Variants in ZBTB46 observed in about 807,000 individuals in gnomAD.
ZBTB46 encodes the protein zinc finger and BTB domain-containing protein 46.
In ZBTB46, 8 loss-of-function variants were observed where a neutral mutation model predicts 44.1. The ratio of observed to expected loss-of-function variants is 0.18; its 90% CI spans 0.11 to 0.33. ZBTB46 has a LOEUF of 0.33. Among genes scored for constraint, ZBTB46 ranks in the 10% least tolerant of loss-of-function variants. The pLI, the probability that ZBTB46 is intolerant of heterozygous loss-of-function variation, is 1.00. For missense variants in ZBTB46, 651 were observed against 847.7 expected, an observed-to-expected ratio of 0.77 and a Z score of 2.88; for synonymous variants, 409 against 382.3, an observed-to-expected ratio of 1.07 and a Z score of -0.81.
intron 1 of ZBTB46, among the ~76,000 whole-genome samples, chr20:63,797,834 A>C (rs2092615062): frequency 6.6e-6 from 1 of 152,136 alleles, no homozygotes; most frequent in African/African-American, 2.4e-5. Context: ...TCCTTTGCCC[A>C]CTTTTTGATG....
intron 1 of ZBTB46, among the ~76,000 whole-genome samples, chr20:63,808,976 CAA>C (rs1157399042): frequency 9.3e-5 from 7 of 75,232 alleles, no homozygotes; most frequent in Admixed American, 3.2e-4. Flanking sequence ...GACTCCGCTT[CAA>C]AAAAAAAAAA....
chr20:63,800,853 A>C (rs2092638828), intron 1 of ZBTB46, among the ~76,000 whole-genome samples: 3 of 152,146 alleles, frequency 2.0e-5, no homozygotes, highest in Non-Finnish European at 4.4e-5. Context: ...AGCTTCCCTG[A>C]CGAGTGCCCC....
At position 63,816,140 on chromosome 20, in the gene ZBTB46, GGT is replaced by G. The variant is rs1473823441; in HGVS notation, c.-34+14955_-34+14956del. Among the ~76,000 whole-genome samples, 523 of 104,246 alleles carry G rather than the reference GGT, an allele frequency of 5.0e-3. 4 individuals are homozygous for G. The highest frequency in any genetic ancestry group is 0.021 in the African/African-American group (507 of 23,648). The allele number at this position is 104,246 out of a possible 152,430, so 68.4% of individuals were successfully genotyped here. On this transcript the variant is annotated intron_variant, in intron 1 of 4. Coordinates refer to ENST00000245663, the MANE Select transcript of ZBTB46 (RefSeq NM_001369741.1). ...GGCGCAGGTGGGCGCAGGTGCAGTG[GGT>G]GCAGGTGCAGTGGGTGCAGGTGCGG...
In ZBTB46 at chr20:63,790,043, C is replaced by G. The variant is rs752937242; in HGVS notation, c.715G>C (p.Gly239Arg). Residue 239 changes from glycine to arginine, a missense_variant, in exon 2 of 5, where the codon GGA becomes CGA. Transcript: ENST00000245663. ...TTGGCAGAAGGCAGCTCGCTCCCTCCGTACTGAGACGGTGAAACCTGCTCT... is the reference window on the plus strand; with the variant it reads ...TTGGCAGAAGGCAGCTCGCTCCCTCGGTACTGAGACGGTGAAACCTGCTCT... ...KEEQVSPSQY[G>R]GSELPSAKDG... is the part of the protein sequence containing the mutation. 6.2e-7 allele frequency: 1 copy of G among 1,614,034 alleles called. No individual in the cohort carries two copies. Among genetic ancestry groups the G allele is most frequent in the South Asian group, 1.1e-5 (1 of 91,086 alleles).
intron 1 of ZBTB46, among the ~76,000 whole-genome samples, chr20:63,823,858 T>TTGTATGTGTGTGTGTG (rs1555859085): frequency 2.1e-5 from 3 of 144,718 alleles, no homozygotes; most frequent in African/African-American, 7.8e-5. Context: ...TCTAGGAACC[T>TTGTATGTGTGTGTGTG]TGTGTGTGTG....
intron 1 of ZBTB46, among the ~76,000 whole-genome samples, chr20:63,819,861 G>A (rs1023040282): frequency 3.9e-5 from 6 of 152,086 alleles, no homozygotes; most frequent in African/African-American, 1.4e-4. Flanking sequence ...TCCAGCAGAG[G>A]GTGTCTGCTA....
chr20:63,828,982 A>G (rs763049827), intron 1 of ZBTB46, among the ~76,000 whole-genome samples: 1 of 152,260 alleles, frequency 6.6e-6, no homozygotes, highest in Non-Finnish European at 1.5e-5. Context: ...ACCCCACGTC[A>G]GGGCAGTGTT....
intron 1 of ZBTB46, among the ~76,000 whole-genome samples, chr20:63,828,825 G>A (rs2146112326): frequency 6.6e-6 from 1 of 152,374 alleles, no homozygotes; most frequent in African/African-American, 2.4e-5. Flanking sequence ...CTGTGGAGCC[G>A]TCTAGGCACC....
intron 1 of ZBTB46, among the ~76,000 whole-genome samples, chr20:63,830,497 C>G (rs1436344630): frequency 6.6e-6 from 1 of 150,490 alleles, no homozygotes; most frequent in African/African-American, 2.4e-5. Flanking sequence ...GGCCGGCGCC[C>G]GGCGTCCGGG....
chr20:63,764,928 T>C (rs978342628), intron 3 of ZBTB46, among the ~76,000 whole-genome samples: 4 of 151,610 alleles, frequency 2.6e-5, no homozygotes, highest in Admixed American at 1.3e-4. Context: ...TTTTTTTTGT[T>C]TTTCTTTTGA....
At position 63,747,130 on chromosome 20, in the gene ZBTB46, G is replaced by T; in HGVS notation, c.1570C>A (p.Pro524Thr). ...DHGGGGGEGSPEALFPGDGPY... is the reference protein window; with the variant it reads ...DHGGGGGEGSTEALFPGDGPY... ...CCGTCGCCTGGGAACAGCGCCTCTG[G>T]AGAGCCCTCGCCGCCTCCGCCGCCA... The change falls in exon 5 of 5, where the codon CCA becomes ACA. Residue 524 changes from proline (P) to threonine (T), a missense_variant. By Grantham distance (38) the Pro-to-Thr change is conservative (BLOSUM62 -1). Around this residue, in one of 5 missense-constraint regions of ZBTB46, gnomAD observed 75 missense variants for 107.8 expected, o/e 0.70. Coordinates refer to ENST00000245663, the MANE Select transcript of ZBTB46 (RefSeq NM_001369741.1). The T allele has an allele frequency of 1.2e-6, 2 of 1,610,216 alleles. No homozygotes were observed. The highest frequency in any genetic ancestry group is 1.1e-5 in the South Asian group (1 of 90,986).
rs755708052 is a variant in ZBTB46 at position 63,770,532 on chromosome 20, G to C, written c.1222+5146C>G. ...AAGGTTACTGGTCCTACAAATCCAA[G>C]GAAACTAGTTCAGTTTTTCTAGAAT... is the stretch of plus-strand genomic sequence containing the variant. On this transcript the variant is annotated intron_variant, in intron 3 of 4. Coordinates refer to ENST00000245663, the MANE Select transcript of ZBTB46 (RefSeq NM_001369741.1). Among the ~76,000 whole-genome samples, 236 of 152,156 alleles carry C rather than the reference G, an allele frequency of 1.6e-3. 1 individual carries two copies. The highest frequency in any genetic ancestry group is 2.4e-3 in the Non-Finnish European group (165 of 68,042).
chr20:63,814,232 CAAAAA>C (rs113002137), intron 1 of ZBTB46, among the ~76,000 whole-genome samples: 1 of 71,514 alleles, frequency 1.4e-5, no homozygotes, highest in African/African-American at 5.0e-5. Context: ...GACTCCGTCT[CAAAAA>C]AAAAAAAAAA....
chr20:63,796,676 T>A (rs919250729), intron 1 of ZBTB46, among the ~76,000 whole-genome samples: 8 of 151,750 alleles, frequency 5.3e-5, no homozygotes, highest in Admixed American at 4.6e-4. Flanking sequence ...AATACAAAAA[T>A]TAGCAGGACG....
chr20:63,776,954 A>G (rs1454216329), intron 2 of ZBTB46, among the ~76,000 whole-genome samples: 1 of 152,190 alleles, frequency 6.6e-6, no homozygotes, highest in Non-Finnish European at 1.5e-5. Context: ...GCTCAGCATC[A>G]CCCATCACTA....
intron 1 of ZBTB46, among the ~76,000 whole-genome samples, chr20:63,816,001 GGTGGGCACAGGTGCA>G (rs1458204373): frequency 4.1e-5 from 6 of 147,274 alleles, no homozygotes; most frequent in South Asian, 2.1e-4. Context: ...AGTGGGCACA[GGTGGGCACAGGTGCA>G]GTGGGCGCAG....
At chr20:63,780,826 G>A (rs1398299334) in intron 2 of ZBTB46, among the ~76,000 whole-genome samples, 1 of 149,416 alleles carries the variant, frequency 6.7e-6, no homozygotes, top group Non-Finnish European at 1.5e-5. Context: ...CTCCTGAAGA[G>A]ACACTGTTAA....
chr20:63,774,526 G>A (rs1255462985), intron 3 of ZBTB46, among the ~76,000 whole-genome samples: 2 of 151,890 alleles, frequency 1.3e-5, no homozygotes, highest in African/African-American at 2.4e-5. Context: ...ATCTCATGCC[G>A]GACTCGCTCC....
intron 3 of ZBTB46, among the ~76,000 whole-genome samples, chr20:63,771,648 G>C (rs1166304894): frequency 6.6e-6 from 1 of 152,086 alleles, no homozygotes; most frequent in Admixed American, 6.5e-5. Context: ...ACACCGAGGC[G>C]CCTCGGCTAA....
Sources: allele counts gnomAD v4.1 joint callset (sites outside exome capture counted in the v4.1 genomes callset), GRCh38; gene constraint gnomAD v4.1.1; regional missense constraint gnomAD v4.1.1; transcripts MANE v1.5; gene names NCBI Gene and HGNC (gene_info 2026-07-23, HGNC 2026-07-21).